TRIQK: variants seen among roughly 807,000 people sequenced by gnomAD.
TRIQK encodes the protein triple QxxK/R motif containing.
Under a neutral mutation model 10.8 loss-of-function variants are expected in TRIQK, and 10 were observed. The ratio of observed to expected loss-of-function variants is 0.92; its 90% CI spans 0.57 to 1.57. The LOEUF is 1.57. Among genes scored for constraint, TRIQK ranks in the 40% most tolerant of loss-of-function variants. The pLI, the probability that TRIQK is intolerant of heterozygous loss-of-function variation, is 0.00. For synonymous variants in TRIQK, 33 were observed against 33.7 expected (o/e 0.98, Z 0.07); for missense variants, 107 against 97.7 (o/e 1.09, Z -0.40).
chr8:92,902,445 A>G (rs1451598504), intron 3 of TRIQK, among the ~76,000 whole-genome samples: 1 of 152,158 alleles, frequency 6.6e-6, no homozygotes, highest in Non-Finnish European at 1.5e-5. Context: ...CCACATGGCC[A>G]AAGGTGAAGT....
At position 93,003,214 on chromosome 8, in the gene TRIQK, G is replaced by C. The variant is rs527980030; in HGVS notation, c.-181+14395C>G. Among the ~76,000 whole-genome samples the C allele has an allele frequency of 6.6e-5, 10 of 151,886 alleles. No homozygotes were observed. In the South Asian group the frequency reaches 2.1e-3, roughly 32 times the overall value. ...CTTTTATTAACTTACACTTCCACAG[G>C]CTGTACAGGAGGCATGGCTGGGTGG... On this transcript the variant is annotated intron_variant, in intron 1 of 4. Coordinates refer to the TRIQK transcript ENST00000520686.
At chr8:93,001,135 G>A (rs551594405) in intron 1 of TRIQK, among the ~76,000 whole-genome samples, 10 of 151,920 alleles carry the variant, frequency 6.6e-5, no homozygotes, top group Non-Finnish European at 8.8e-5. Flanking sequence ...GTGAAACCCC[G>A]TCTCTACTAA....
chr8:92,892,162 C>T, intron 3 of TRIQK, 88 bp from the exon 4 acceptor site: 1 of 943,986 alleles, frequency 1.1e-6, no homozygotes, highest in African/African-American at 1.7e-5. Flanking sequence ...TGTTTAAATA[C>T]AGTGAAACAG....
At chr8:92,949,404 T>C (rs1266404304) in intron 2 of TRIQK, among the ~76,000 whole-genome samples, 2 of 152,064 alleles carry the variant, frequency 1.3e-5, no homozygotes, top group Admixed American at 6.6e-5. Context: ...TTAAATTAAA[T>C]AGTTAATTTA....
intron 2 of TRIQK, among the ~76,000 whole-genome samples, chr8:92,946,517 G>A (rs1480353175): frequency 1.3e-5 from 2 of 152,158 alleles, no homozygotes; most frequent in African/African-American, 4.8e-5. Flanking sequence ...ATAAAAAGGC[G>A]ATGAACTACT....
chr8:92,990,003 AT>A (rs1206721958), intron 1 of TRIQK, among the ~76,000 whole-genome samples: 1 of 152,216 alleles, frequency 6.6e-6, no homozygotes, highest in East Asian at 1.9e-4. Flanking sequence ...CTAATAAGTG[AT>A]TTAAAAAAAT....
At chr8:93,016,528 C>T (rs566889655) in intron 1 of TRIQK, among the ~76,000 whole-genome samples, 3 of 152,308 alleles carry the variant, frequency 2.0e-5, no homozygotes, top group African/African-American at 7.2e-5. Flanking sequence ...AAAAAATTTA[C>T]AAAGTTTGTT....
chr8:92,959,378 T>C (rs1812332529), intron 1 of TRIQK, among the ~76,000 whole-genome samples: 1 of 151,996 alleles, frequency 6.6e-6, no homozygotes, highest in Non-Finnish European at 1.5e-5. Flanking sequence ...TGTGTAGTAT[T>C]ATCTTCTCAT....
At position 93,014,197 on chromosome 8, in the gene TRIQK, G is replaced by A. The variant is rs575523337; in HGVS notation, c.-181+3412C>T. Reference sequence around the variant, plus strand: ...AAATAATGAATTAGAAATCAATTTCGAATAAACAATGTTACAGAAAAAAAG... The same window carrying A: ...AAATAATGAATTAGAAATCAATTTCAAATAAACAATGTTACAGAAAAAAAG... On this transcript the variant is annotated intron_variant, in intron 1 of 4. Transcript: ENST00000520686. Among the ~76,000 whole-genome samples the A allele has an allele frequency of 1.3e-4, 20 of 152,002 alleles. No individual in the cohort carries two copies. In the East Asian group the frequency reaches 2.5e-3, roughly 19 times the overall value.
intron 1 of TRIQK, among the ~76,000 whole-genome samples, chr8:93,007,182 C>T (rs1813283154): frequency 6.6e-6 from 1 of 152,194 alleles, no homozygotes; most frequent in South Asian, 2.1e-4. Context: ...GCAGCCTCCA[C>T]TAGTGACACC....
At chr8:92,949,088 T>C (rs759344499) in intron 2 of TRIQK, among the ~76,000 whole-genome samples, 1 of 152,228 alleles carries the variant, frequency 6.6e-6, no homozygotes, top group Admixed American at 6.5e-5. Flanking sequence ...TTCCTTTTTC[T>C]GTCCATAAAT....
At chr8:92,929,509 T>G (rs574139006) in intron 2 of TRIQK, 1 of 152,308 alleles carries the variant, frequency 6.6e-6, no homozygotes, top group Admixed American at 6.5e-5. Flanking sequence ...GCTTTTTTAA[T>G]GCACAGATTG....
chr8:92,894,140 G>C (rs1816895892), intron 3 of TRIQK, among the ~76,000 whole-genome samples: 1 of 151,986 alleles, frequency 6.6e-6, no homozygotes, highest in Admixed American at 6.6e-5. Context: ...ATAATAAAAA[G>C]ACAGTATTAA....
chr8:92,921,247 G>A (rs570135004), intron 2 of TRIQK, among the ~76,000 whole-genome samples: 3 of 151,658 alleles, frequency 2.0e-5, no homozygotes, highest in South Asian at 4.1e-4. Context: ...GGAGCTAGAA[G>A]CAATAAATGC....
Position 92,917,018 on chromosome 8 carries a change from G to T in TRIQK, c.-21-8C>A, listed in dbSNP as rs768524350. The T allele has an allele frequency of 3.1e-5, 45 of 1,465,716 alleles. No individual in the cohort carries two copies. The highest frequency in any genetic ancestry group is 2.7e-5 in the Admixed American group (1 of 37,352). The allele number at this position is 1,465,716 out of a possible 1,614,324, so 90.8% of individuals were successfully genotyped here. On this transcript the variant is annotated splice_region_variant and splice_polypyrimidine_tract_variant and intron_variant, in intron 2 of 4. Transcript: ENST00000521988. The stretch of plus-strand genomic sequence containing the variant: ...TGATCTCCAAAATGCCTGCTGAAAA[G>T]AAAACAATTATAATGAAAATTTTTT...
intron 3 of TRIQK, among the ~76,000 whole-genome samples, chr8:92,898,520 C>T (rs1808727653): frequency 6.6e-6 from 1 of 151,970 alleles, no homozygotes; most frequent in Non-Finnish European, 1.5e-5. Flanking sequence ...TGATAGTTTT[C>T]ACCAGTGTTC....
chr8:92,918,387 T>C (rs1425767788), intron 2 of TRIQK, among the ~76,000 whole-genome samples: 1 of 151,998 alleles, frequency 6.6e-6, no homozygotes, highest in African/African-American at 2.4e-5. Flanking sequence ...CCAACACTTG[T>C]TATTTTTTGC....
At chr8:93,006,221 C>A (rs570685752) in intron 1 of TRIQK, among the ~76,000 whole-genome samples, 8 of 151,912 alleles carry the variant, frequency 5.3e-5, no homozygotes, top group Non-Finnish European at 1.2e-4. Context: ...TCTAGAAGAA[C>A]GAAAACAGCA....
In TRIQK at chr8:93,006,470, C is replaced by T. The variant is rs373021093; in HGVS notation, c.-181+11139G>A. ...TCAGGAGATCCCCCTCGTGAGCTGA[C>T]GCCACCAAGGCCTTGGGTCCCAAGT... On this transcript the variant is annotated intron_variant, in intron 1 of 4. Coordinates refer to the TRIQK transcript ENST00000520686. Among the ~76,000 whole-genome samples the T allele has an allele frequency of 1.6e-4, 25 of 152,308 alleles. 1 individual carries two copies. Among genetic ancestry groups the T allele is most frequent in the South Asian group, 8.3e-4 (4 of 4,826 alleles).
Sources: gnomAD v4.1 joint callset for allele counts (sites outside exome capture counted in the v4.1 genomes callset) on GRCh38, gnomAD v4.1.1 for gene constraint, MANE v1.5 for transcripts, NCBI Gene and HGNC (gene_info 2026-07-23, HGNC 2026-07-21) for gene names.